The following MOCOS variants were observed in gnomAD, a reference collection of about 807,000 sequenced individuals.
The protein encoded by MOCOS is human molybdenum cofactor sulfurase.
A neutral mutation model predicts 83.6 loss-of-function variants in MOCOS; 86 were observed. The observed-to-expected ratio is 1.03, with a 90% CI of 0.86 to 1.23. The LOEUF is 1.23. Ranked by LOEUF, MOCOS falls within the 50% of genes most tolerant of loss-of-function variation. MOCOS has a pLI of 0.00. For synonymous variants in MOCOS, 445 were observed against 434.7 expected (o/e 1.02, Z -0.29); for missense variants, 1,120 against 1,126.9 (o/e 0.99, Z 0.09).
chr18:36,251,916 T>C (rs935167045), intron 11 of MOCOS, among the ~76,000 whole-genome samples: 2 of 152,196 alleles, frequency 1.3e-5, no homozygotes, highest in African/African-American at 4.8e-5. Flanking sequence ...CAGCACCCTG[T>C]ACCTGAATCT....
intron 8 of MOCOS, among the ~76,000 whole-genome samples, chr18:36,217,745 A>G (rs1053714828): frequency 1.3e-5 from 2 of 152,196 alleles, no homozygotes; most frequent in Non-Finnish European, 2.9e-5. Flanking sequence ...AAGAAACGAG[A>G]TGAAAACTGA....
chr18:36,260,097 C>T lies in MOCOS; in HGVS notation c.2331C>T (p.Ala777=). The T allele has an allele frequency of 1.2e-6, 2 of 1,614,066 alleles. No homozygotes were observed. Among genetic ancestry groups the T allele is most frequent in the Non-Finnish European group, 1.7e-6 (2 of 1,180,004 alleles). Residue 777 remains alanine, a synonymous_variant, in exon 13 of 15, where the codon GCC becomes GCT. Transcript: ENST00000261326. ...AGGATCTCAGCTTGCGTTTTCGTGC[C>T]AATATTATTATCAATGGAAAAAGGG... ...SLKDLSLRFR[A]NIIINGKRAF...
At chr18:36,246,939 T>C (rs2091604584) in intron 9 of MOCOS, among the ~76,000 whole-genome samples, 1 of 152,012 alleles carries the variant, frequency 6.6e-6, no homozygotes, top group Admixed American at 6.6e-5. Flanking sequence ...ATGTCATTTG[T>C]CTTTGGCTAT....
At chr18:36,221,400 C>T (rs544879491) in intron 9 of MOCOS, among the ~76,000 whole-genome samples, 7 of 152,182 alleles carry the variant, frequency 4.6e-5, no homozygotes, top group Admixed American at 1.3e-4. Flanking sequence ...TTTTAGCACA[C>T]ATACGTACAT....
chr18:36,202,337 T>C (rs573428425), intron 4 of MOCOS, among the ~76,000 whole-genome samples: 2 of 152,284 alleles, frequency 1.3e-5, no homozygotes, highest in African/African-American at 4.8e-5. Context: ...AATTTTTTTG[T>C]AGAGATGGGG....
At chr18:36,238,729 TG>T (rs2091569203) in intron 9 of MOCOS, among the ~76,000 whole-genome samples, 1 of 105,822 alleles carries the variant, frequency 9.4e-6, no homozygotes, top group Non-Finnish European at 2.2e-5. Context: ...ATGTTTACAG[TG>T]GGGTGTTAAA....
chr18:36,265,693 C>T (rs1057511294), intron 13 of MOCOS, among the ~76,000 whole-genome samples: 45 of 151,514 alleles, frequency 3.0e-4, no homozygotes, highest in African/African-American at 1.0e-3. Flanking sequence ...TGTAACAATG[C>T]GTTTTAAGTA....
At chr18:36,235,835 A>G (rs1649681079) in intron 9 of MOCOS, among the ~76,000 whole-genome samples, 1 of 146,594 alleles carries the variant, frequency 6.8e-6, no homozygotes, top group African/African-American at 2.5e-5. Flanking sequence ...AACTGGTGTG[A>G]GGTGGTATCT....
chr18:36,208,069 GTTA>G (rs746567767), intron 6 of MOCOS, among the ~76,000 whole-genome samples: 5 of 152,110 alleles, frequency 3.3e-5, no homozygotes, highest in Non-Finnish European at 5.9e-5. Context: ...CCCATTGCTT[GTTA>G]TTGTCTACTT....
chr18:36,256,119 C>T (rs1451901325), intron 11 of MOCOS, among the ~76,000 whole-genome samples: 5 of 151,626 alleles, frequency 3.3e-5, no homozygotes, highest in South Asian at 2.1e-4. Flanking sequence ...CTTGAACTCC[C>T]GACCTCAGGT....
At chr18:36,199,053 T>G (rs2091401352) in intron 3 of MOCOS, among the ~76,000 whole-genome samples, 1 of 152,190 alleles carries the variant, frequency 6.6e-6, no homozygotes, top group Admixed American at 6.5e-5. Flanking sequence ...CCCAGGATCC[T>G]AGGTCTTGTT....
intron 9 of MOCOS, among the ~76,000 whole-genome samples, chr18:36,226,288 G>C (rs1473345740): frequency 6.6e-6 from 1 of 151,914 alleles, no homozygotes; most frequent in Non-Finnish European, 1.5e-5. Context: ...TTTATCTCTT[G>C]TGACAGTTTT....
chr18:36,216,594 A>G (rs1410283106), intron 8 of MOCOS, among the ~76,000 whole-genome samples: 2 of 152,232 alleles, frequency 1.3e-5, no homozygotes, highest in Non-Finnish European at 2.9e-5. Flanking sequence ...AATACCAACT[A>G]ATAAATCAAT....
At chr18:36,227,327 G>T (rs994903418) in intron 9 of MOCOS, among the ~76,000 whole-genome samples, 3 of 152,036 alleles carry the variant, frequency 2.0e-5, no homozygotes, top group Non-Finnish European at 2.9e-5. Flanking sequence ...GAACTCCTGG[G>T]TTCAAGTGAT....
intron 13 of MOCOS, among the ~76,000 whole-genome samples, chr18:36,264,004 GTC>G (rs1385806682): frequency 6.6e-6 from 1 of 151,886 alleles, no homozygotes; most frequent in Non-Finnish European, 1.5e-5. Flanking sequence ...TGCAGAACCC[GTC>G]TCTACTAAAA....
chr18:36,222,250 G>A (rs554171031), intron 9 of MOCOS, among the ~76,000 whole-genome samples: 1 of 152,302 alleles, frequency 6.6e-6, no homozygotes, highest in South Asian at 2.1e-4. Flanking sequence ...TAAGTACCCA[G>A]AAGTGGGATC....
At position 36,203,099 on chromosome 18, in the gene MOCOS, C is replaced by A. The variant is rs985049498; in HGVS notation, c.942-14C>A. Reference sequence around the variant, plus strand: ...ACCACAGCTTGACCTGTTCTCCTTACCCCGTGGTTATAGGTTTGAAGATGG... The same window carrying A: ...ACCACAGCTTGACCTGTTCTCCTTAACCCGTGGTTATAGGTTTGAAGATGG... On this transcript the variant is annotated splice_polypyrimidine_tract_variant and intron_variant, in intron 4 of 14. Transcript: ENST00000261326. The A allele has an allele frequency of 1.2e-6, 2 of 1,612,928 alleles. No homozygotes were observed. Among genetic ancestry groups the A allele is most frequent in the East Asian group, 4.5e-5 (2 of 44,874 alleles).
intron 13 of MOCOS, among the ~76,000 whole-genome samples, chr18:36,261,928 GGAAGA>G (rs2144154218): frequency 6.6e-6 from 1 of 152,252 alleles, no homozygotes; most frequent in South Asian, 2.1e-4. Context: ...GAAAAAAAAG[GGAAGA>G]GAACTAGAAC....
At chr18:36,255,009 A>T (rs1973188252) in intron 11 of MOCOS, among the ~76,000 whole-genome samples, 1 of 152,178 alleles carries the variant, frequency 6.6e-6, no homozygotes, top group Non-Finnish European at 1.5e-5. Context: ...TACAGGCATG[A>T]GCCTTTGCAC....
Sources: gnomAD v4.1 joint callset for allele counts (sites outside exome capture counted in the v4.1 genomes callset) on GRCh38, gnomAD v4.1.1 for gene constraint, MANE v1.5 for transcripts, NCBI Gene and HGNC (gene_info 2026-07-23, HGNC 2026-07-21) for gene names.